TUT4: variants seen among roughly 807,000 people sequenced by gnomAD.
TUT4 encodes the protein terminal uridylyltransferase 4.
In TUT4, 36 loss-of-function variants were observed where a neutral mutation model predicts 192.2. That is an observed-to-expected ratio of 0.19 (90% CI 0.14 to 0.25). The LOEUF (loss-of-function observed/expected upper bound fraction) is 0.25. Ranked by LOEUF, TUT4 falls within the 10% of genes least tolerant of loss-of-function variation. TUT4 has a pLI of 1.00. For missense variants in TUT4, 1,493 were observed against 1,957.2 expected, an observed-to-expected ratio of 0.76 and a Z score of 4.47; for synonymous variants, 618 against 666.0, an observed-to-expected ratio of 0.93 and a Z score of 1.11.
chr1:52,459,478 A>T (rs1023578592), intron 19 of TUT4, among the ~76,000 whole-genome samples: 1 of 152,054 alleles, frequency 6.6e-6, no homozygotes, highest in Admixed American at 6.6e-5. Flanking sequence ...AGTCCTGGCT[A>T]CTCAAGAGGC....
intron 8 of TUT4, among the ~76,000 whole-genome samples, chr1:52,489,661 A>C (rs1184085539): frequency 6.6e-6 from 1 of 152,228 alleles, no homozygotes; most frequent in South Asian, 2.1e-4. Context: ...GAGAAGAATA[A>C]ATCTGAGGTG....
chr1:52,448,588 C>CAAAAAAAAAAAAAAAAAAA (rs1190767355), intron 20 of TUT4, among the ~76,000 whole-genome samples: 1 of 40,814 alleles, frequency 2.5e-5, no homozygotes, highest in African/African-American at 8.9e-5. Context: ...GATTCTGTCT[C>CAAAAAAAAAAAAAAAAAAA]AAAAAAAAAA....
intron 27 of TUT4, chr1:52,434,509 C>T (rs1189133170): frequency 6.6e-6 from 1 of 152,112 alleles, no homozygotes; most frequent in Non-Finnish European, 1.5e-5. Context: ...TAGATTTACA[C>T]AAAGGTTAAG....
At chr1:52,443,454 T>G (rs899163592) in intron 24 of TUT4, among the ~76,000 whole-genome samples, 2 of 151,292 alleles carry the variant, frequency 1.3e-5, no homozygotes, top group Non-Finnish European at 2.9e-5. Flanking sequence ...CCAGGTGTGG[T>G]GGCGCGTGCC....
intron 4 of TUT4, among the ~76,000 whole-genome samples, chr1:52,497,728 T>C (rs558212561): frequency 6.6e-6 from 1 of 152,368 alleles, no homozygotes; most frequent in East Asian, 1.9e-4. Flanking sequence ...CACTTTGCTA[T>C]ATATATGCAA....
At chr1:52,520,399 A>C (rs1571230497) in intron 2 of TUT4, among the ~76,000 whole-genome samples, 1 of 152,338 alleles carries the variant, frequency 6.6e-6, no homozygotes, top group East Asian at 1.9e-4. Context: ...AAGTGAAAGT[A>C]AGATGAGTTG....
At position 52,490,779 on chromosome 1, in the gene TUT4, A is replaced by G. The variant is rs1670958565; in HGVS notation, c.1341T>C (p.Ser447=). 4.3e-6 allele frequency: 7 copies of G among 1,612,874 alleles called. No individual in the cohort carries two copies. The highest frequency in any genetic ancestry group is 5.9e-6 in the Non-Finnish European group (7 of 1,179,504). The change falls in exon 8 of 30, where the codon TCT becomes TCC. Residue 447 remains serine, a synonymous_variant. Coordinates refer to ENST00000257177, the MANE Select transcript of TUT4 (RefSeq NM_001009881.3). ...CAACAGGAACTTTAGCGTGAAAATC[A>G]GATTCCACATCTACATATAATACTA... ...KKNVLYVDVE[S]DFHAKVPVVV... is the part of the protein sequence containing the mutation.
chr1:52,537,213 T>C (rs1442209076), intron 1 of TUT4, among the ~76,000 whole-genome samples: 1 of 151,794 alleles, frequency 6.6e-6, no homozygotes, highest in Non-Finnish European at 1.5e-5. Flanking sequence ...ATTGGCAAAT[T>C]GGAAAACACA....
chr1:52,538,214 C>T (rs1291770390), intron 1 of TUT4, among the ~76,000 whole-genome samples: 1 of 151,890 alleles, frequency 6.6e-6, no homozygotes, highest in Admixed American at 6.6e-5. Flanking sequence ...CCAACCTGAG[C>T]GAAAGAGCAA....
Position 52,436,905 on chromosome 1 carries a change from G to C in TUT4, c.4012C>G (p.Arg1338Gly). The change falls in exon 26 of 30, where the codon CGA becomes GGA. Residue 1338 changes from arginine (R) to glycine (G), a missense_variant. This residue lies in a region of TUT4 where 351 missense variants were observed against 397.8 expected (regional missense o/e 0.88). Transcript: ENST00000257177. ...KEGNEEEKDS[R>G]DVLDPRDLHD... ...AGGTCTCGGGGGTCAAGAACATCTCGGGAATCTTTCTCTTCTTCATTCCCT... is the reference window on the plus strand; with the variant it reads ...AGGTCTCGGGGGTCAAGAACATCTCCGGAATCTTTCTCTTCTTCATTCCCT... 1 of 1,536,898 alleles carries C rather than the reference G, an allele frequency of 6.5e-7. No individual in the cohort carries two copies. The highest frequency in any genetic ancestry group is 1.9e-5 in the Admixed American group (1 of 52,520).
intron 1 of TUT4, among the ~76,000 whole-genome samples, chr1:52,544,342 TACAG>T (rs1687522753): frequency 6.7e-6 from 1 of 149,776 alleles, no homozygotes; most frequent in South Asian, 2.1e-4. Flanking sequence ...TATAAATACA[TACAG>T]ACAGACCAAT....
At chr1:52,470,089 G>A (rs1022696964) in intron 14 of TUT4, among the ~76,000 whole-genome samples, 3 of 151,968 alleles carry the variant, frequency 2.0e-5, no homozygotes, top group Admixed American at 2.0e-4. Flanking sequence ...ACAGCTCCTT[G>A]GACAAATGCC....
intron 5 of TUT4, among the ~76,000 whole-genome samples, chr1:52,496,249 G>A (rs1353354816): frequency 6.6e-6 from 1 of 151,960 alleles, no homozygotes; most frequent in Admixed American, 6.5e-5. Flanking sequence ...AGTCATTCAA[G>A]TCACTAAACC....
At chr1:52,535,940 A>G (rs1293835081) in intron 1 of TUT4, among the ~76,000 whole-genome samples, 1 of 152,252 alleles carries the variant, frequency 6.6e-6, no homozygotes, top group Non-Finnish European at 1.5e-5. Context: ...AGGAGAAATT[A>G]TATTTCCAGA....
intron 3 of TUT4, among the ~76,000 whole-genome samples, chr1:52,511,190 T>C (rs1471024267): frequency 6.6e-6 from 1 of 152,202 alleles, no homozygotes; most frequent in African/African-American, 2.4e-5. Context: ...CCCCATTTTA[T>C]TGGCAAACTA....
chr1:52,552,086 C>T (rs1484570571), intron 1 of TUT4, among the ~76,000 whole-genome samples: 1 of 152,196 alleles, frequency 6.6e-6, no homozygotes, highest in Non-Finnish European at 1.5e-5. Context: ...TCTAAGATCT[C>T]ACGCAAAATT....
intron 1 of TUT4, among the ~76,000 whole-genome samples, chr1:52,549,308 T>G (rs947696713): frequency 1.5e-4 from 23 of 152,180 alleles, no homozygotes; most frequent in African/African-American, 5.5e-4. Flanking sequence ...TTCCAATCAT[T>G]TATCTCACCA....
rs368474693 is a variant in TUT4, at chr1:52,481,871, G to A, written c.1568C>T (p.Ala523Val). 2 of 1,599,154 alleles carry A rather than the reference G, an allele frequency of 1.3e-6. No homozygotes were observed. The highest frequency in any genetic ancestry group is 4.5e-5 in the East Asian group (2 of 44,374). ...TTGTAGAAAAAACATCACCATTAAAGCAAAACAGTAAGAAGGGATTCCACC... is the reference window on the plus strand; with the variant it reads ...TTGTAGAAAAAACATCACCATTAAAACAAAACAGTAAGAAGGGATTCCACC... ...TDGGIPSYCFALMVMFFLQQR... is the reference protein window; with the variant it reads ...TDGGIPSYCFVLMVMFFLQQR... Residue 523 changes from alanine (A) to valine (V), a missense_variant, in exon 10 of 30, where the codon GCT (alanine) becomes GTT (valine). Ala to Val is a moderately conservative substitution (Grantham distance 64, BLOSUM62 0). This residue lies in a region of TUT4 where 437 missense variants were observed against 577.6 expected (regional missense o/e 0.76). Transcript: ENST00000257177.
chr1:52,435,343 C>T (rs1347189302), intron 27 of TUT4, 22 bp downstream of exon 27: 2 of 1,586,268 alleles, frequency 1.3e-6, no homozygotes, highest in Non-Finnish European at 1.7e-6. Flanking sequence ...AAGACTAACA[C>T]ATTCACAGGC....
Sources: gnomAD v4.1 joint callset for allele counts (sites outside exome capture counted in the v4.1 genomes callset) on GRCh38, gnomAD v4.1.1 for gene constraint, gnomAD v4.1.1 regional missense constraint, MANE v1.5 for transcripts, NCBI Gene and HGNC (gene_info 2026-07-23, HGNC 2026-07-21) for gene names.